The following PTK2 variants were observed in gnomAD, a reference collection of about 807,000 sequenced individuals.
The protein encoded by PTK2 is focal adhesion kinase 1.
In PTK2, 45 loss-of-function variants were observed where a neutral mutation model predicts 150.1. That is an observed-to-expected ratio of 0.30 (90% confidence interval 0.24 to 0.38). The LOEUF (loss-of-function observed/expected upper bound fraction) is 0.38. PTK2 is among the 10% of genes least tolerant of loss of function. The pLI is 1.00. For missense variants in PTK2, 919 were observed against 1,307.3 expected (o/e 0.70, Z 4.58); for synonymous variants, 432 against 449.2 (o/e 0.96, Z 0.48).
Position 140,834,237 on chromosome 8 carries a change from T to A in PTK2, c.594-3711A>T, listed in dbSNP as rs1186061897. ...AAAGGCTCCTCAGTAAGCACAGGGA[T>A]GGGTGAAATGCATGAGCACTGGGAA... On this transcript the variant is annotated intron_variant, in intron 7 of 31. Transcript: ENST00000522684. 2.0e-5 allele frequency among the ~76,000 whole-genome samples: 3 copies of A among 152,238 alleles called. No homozygotes were observed. The East Asian group carries it at 5.8e-4, about 29-fold the overall frequency.
intron 27 of PTK2, among the ~76,000 whole-genome samples, chr8:140,676,141 T>C (rs1589494054): frequency 6.6e-6 from 1 of 151,018 alleles, no homozygotes; most frequent in Non-Finnish European, 1.5e-5. Context: ...CTCTGGGAGG[T>C]CAAAATGGGC....
chr8:140,818,662 A>G (rs902804077), intron 9 of PTK2, among the ~76,000 whole-genome samples: 4 of 152,210 alleles, frequency 2.6e-5, no homozygotes, highest in Non-Finnish European at 5.9e-5. Flanking sequence ...TTAAAAACCT[A>G]ATTATGAAGC....
chr8:141,000,087 T>TCACACACACACACACACACA (rs71310820), intron 1 of PTK2, among the ~76,000 whole-genome samples: 15 of 81,608 alleles, frequency 1.8e-4, no homozygotes, highest in East Asian at 4.5e-4. Context: ...TGAAACCAAT[T>TCACACACACACACACACACA]CACACACACA....
chr8:140,932,260 G>T (rs1013824847), intron 1 of PTK2, among the ~76,000 whole-genome samples: 2 of 152,044 alleles, frequency 1.3e-5, no homozygotes, highest in South Asian at 4.2e-4. Context: ...TGTTGCCCAG[G>T]CTGGAGTGCA....
At chr8:140,990,918 T>C (rs1007925528) in intron 1 of PTK2, among the ~76,000 whole-genome samples, 5 of 152,140 alleles carry the variant, frequency 3.3e-5, no homozygotes, top group African/African-American at 1.2e-4. Flanking sequence ...AGACTCTTTT[T>C]CACTCCTTAC....
intron 26 of PTK2, among the ~76,000 whole-genome samples, chr8:140,690,030 G>A (rs145141055): frequency 2.1e-4 from 32 of 152,310 alleles, no homozygotes; most frequent in African/African-American, 7.5e-4. Flanking sequence ...TCAGCTCACT[G>A]CAAGCTCTGC....
chr8:140,701,275 A>C (rs1243932665), intron 25 of PTK2, among the ~76,000 whole-genome samples: 1 of 152,234 alleles, frequency 6.6e-6, no homozygotes, highest in African/African-American at 2.4e-5. Flanking sequence ...ATAACACAAG[A>C]TATGTGCAAA....
chr8:140,860,550 C>T (rs866948195), intron 5 of PTK2, among the ~76,000 whole-genome samples: 5 of 152,198 alleles, frequency 3.3e-5, no homozygotes, highest in Non-Finnish European at 5.9e-5. Context: ...TCTTGGCTCA[C>T]TGCAACCTTT....
intron 27 of PTK2, among the ~76,000 whole-genome samples, chr8:140,678,110 A>G (rs1322894502): frequency 6.6e-6 from 1 of 152,168 alleles, no homozygotes; most frequent in Non-Finnish European, 1.5e-5. Flanking sequence ...GTAGTGGCAC[A>G]ATCTTGGCTC....
intron 1 of PTK2, among the ~76,000 whole-genome samples, chr8:140,967,457 C>CT (rs1569517775): frequency 8.6e-6 from 1 of 115,868 alleles, no homozygotes; most frequent in African/African-American, 3.2e-5. Context: ...TTCTTTCTTT[C>CT]TTTCTTTTTT....
chr8:140,983,477 T>C (rs2100192220), intron 1 of PTK2, among the ~76,000 whole-genome samples: 1 of 152,154 alleles, frequency 6.6e-6, no homozygotes, highest in South Asian at 2.1e-4. Flanking sequence ...TGTAGTTGTA[T>C]TATCTTAAAG....
chr8:140,955,439 G>C (rs1354554452), intron 1 of PTK2, among the ~76,000 whole-genome samples: 1 of 152,182 alleles, frequency 6.6e-6, no homozygotes, highest in African/African-American at 2.4e-5. Context: ...AGCCATGTGG[G>C]ACTGTGAAGT....
At chr8:140,687,611 G>A (rs2100020724) in intron 26 of PTK2, among the ~76,000 whole-genome samples, 1 of 152,206 alleles carries the variant, frequency 6.6e-6, no homozygotes, top group Admixed American at 6.5e-5. Context: ...CACTTGTTGG[G>A]TGGGGGATGG....
At chr8:140,727,772 G>T (rs1287980435) in intron 22 of PTK2, among the ~76,000 whole-genome samples, 1 of 151,926 alleles carries the variant, frequency 6.6e-6, no homozygotes, top group African/African-American at 2.4e-5. Context: ...AGATGTGCTT[G>T]GTATTTTGAT....
chr8:140,798,059 T>C (rs2100092745), intron 12 of PTK2, among the ~76,000 whole-genome samples: 1 of 152,236 alleles, frequency 6.6e-6, no homozygotes, highest in Non-Finnish European at 1.5e-5. Context: ...GATCACTTAT[T>C]ACTGTCATGC....
chr8:140,894,856 C>T (rs923838847), intron 2 of PTK2, among the ~76,000 whole-genome samples: 3 of 152,098 alleles, frequency 2.0e-5, no homozygotes, highest in East Asian at 1.9e-4. Context: ...ACTTTTGGTA[C>T]GCTATAGAAG....
intron 30 of PTK2, 109 bp from the exon 35 acceptor site, chr8:140,665,106 G>C: frequency 9.7e-7 from 1 of 1,027,518 alleles, no homozygotes; most frequent in South Asian, 1.6e-5. Flanking sequence ...GCAAATTTCT[G>C]TATTTCTTTT....
chr8:140,776,889 C>T (rs767148005), intron 14 of PTK2, among the ~76,000 whole-genome samples: 2 of 152,152 alleles, frequency 1.3e-5, no homozygotes, highest in Non-Finnish European at 2.9e-5. Context: ...GTCCTGGGAT[C>T]CTCAGGCGCG....
intron 7 of PTK2, among the ~76,000 whole-genome samples, chr8:140,837,723 T>A (rs943185601): frequency 4.9e-5 from 7 of 142,188 alleles, no homozygotes; most frequent in Non-Finnish European, 9.3e-5. Flanking sequence ...AGAGAGACTC[T>A]GTCTCAAACA....
Sources: gnomAD v4.1 joint callset for allele counts (sites outside exome capture counted in the v4.1 genomes callset) on GRCh38, gnomAD v4.1.1 for gene constraint, MANE v1.5 for transcripts, NCBI Gene and HGNC (gene_info 2026-07-23, HGNC 2026-07-21) for gene names.